The following RDH12 variants were observed in gnomAD, a reference collection of about 807,000 sequenced individuals.
The protein encoded by RDH12 is all-trans and 9-cis retinol dehydrogenase.
A neutral mutation model predicts 34.0 loss-of-function variants in RDH12; 21 were observed. That is an observed-to-expected ratio of 0.62 (90% confidence interval 0.44 to 0.89). The LOEUF is 0.89. Ranked by LOEUF, RDH12 falls within the 40% of genes least tolerant of loss-of-function variation. The pLI is 0.00. For missense variants in RDH12, 394 were observed against 398.6 expected (o/e 0.99, Z 0.10); for synonymous variants, 198 against 169.9 (o/e 1.17, Z -1.29).
intron 1 of RDH12, among the ~76,000 whole-genome samples, chr14:67,716,190 C>G (rs1352823621): frequency 6.9e-6 from 1 of 144,970 alleles, no homozygotes. Flanking sequence ...GAGTGAGACT[C>G]CGTCTCAAAA....
At chr14:67,709,470 A>G (rs969284864) in intron 1 of RDH12, among the ~76,000 whole-genome samples, 10 of 152,260 alleles carry the variant, frequency 6.6e-5, no homozygotes, top group Non-Finnish European at 1.3e-4. Flanking sequence ...ATGCTTCAAG[A>G]AAACCTTGTT....
At chr14:67,733,629 T>C in intron 8 of RDH12, 117 bp from the exon 9 acceptor site, 1 of 696,970 alleles carries the variant, frequency 1.4e-6, no homozygotes, top group South Asian at 1.5e-5. Flanking sequence ...TTAGTTTCTT[T>C]GAGTCTGGCA....
At chr14:67,725,346 C>A in intron 5 of RDH12, 92 bp downstream of exon 5, 1 of 1,296,224 alleles carries the variant, frequency 7.7e-7, no homozygotes, top group South Asian at 1.2e-5. Context: ...ACATCAGAAC[C>A]ATCATCCACC....
chr14:67,722,895 C>T (rs1331554690), intron 3 of RDH12, among the ~76,000 whole-genome samples, 185 bp downstream of exon 3: 5 of 152,200 alleles, frequency 3.3e-5, no homozygotes, highest in African/African-American at 4.8e-5. Flanking sequence ...CATCTGCGGC[C>T]GGGCAGAGGT....
chr14:67,715,438 T>C (rs1402343962), intron 1 of RDH12, among the ~76,000 whole-genome samples: 1 of 152,242 alleles, frequency 6.6e-6, no homozygotes, highest in Non-Finnish European at 1.5e-5. Flanking sequence ...GTTGGATGCC[T>C]ATGACTTCAC....
chr14:67,731,387 G>A (rs575890476), intron 8 of RDH12, among the ~76,000 whole-genome samples: 3 of 151,462 alleles, frequency 2.0e-5, no homozygotes, highest in Admixed American at 6.6e-5. Context: ...GCTAGTTTTT[G>A]TATTTCTAGT....
At chr14:67,724,414 T>G in intron 3 of RDH12, 59 bp from the exon 4 acceptor site, 14 of 1,012,296 alleles carry the variant, frequency 1.4e-5, no homozygotes, top group East Asian at 9.0e-5. Context: ...TTTTTTAACG[T>G]ATCTTAGTGT....
At chr14:67,725,942 C>T in intron 5 of RDH12, 109 bp from the exon 6 acceptor site, 9 of 819,462 alleles carry the variant, frequency 1.1e-5, no homozygotes, top group Non-Finnish European at 1.9e-5. Flanking sequence ...AAATGTTACC[C>T]CAACAAAGAC....
At chr14:67,728,703 T>TGGGGG (rs142252701) in intron 7 of RDH12, among the ~76,000 whole-genome samples, 46 of 142,066 alleles carry the variant, frequency 3.2e-4, no homozygotes, top group African/African-American at 5.3e-4. Context: ...GGATATCTTG[T>TGGGGG]GGGGGGGGGG....
In RDH12 at chr14:67,732,607, G is replaced by A. The variant is rs550161885; in HGVS notation, c.849-1139G>A. ...TTTCTTTTTTTTGAGACGGAGTTTCGGTCTTGTCGCCCAGGCTGGATTTCA... is the reference window on the plus strand; with the variant it reads ...TTTCTTTTTTTTGAGACGGAGTTTCAGTCTTGTCGCCCAGGCTGGATTTCA... On this transcript the variant is annotated intron_variant, in intron 8 of 8. Coordinates refer to ENST00000551171, the MANE Select transcript of RDH12 (RefSeq NM_152443.3). Among the ~76,000 whole-genome samples, 54 of 150,402 alleles carry A rather than the reference G, an allele frequency of 3.6e-4. 2 individuals carry two copies. In the South Asian group the frequency reaches 8.9e-3, roughly 25 times the overall value.
At chr14:67,716,306 T>G (rs2038069538) in intron 1 of RDH12, among the ~76,000 whole-genome samples, 1 of 151,796 alleles carries the variant, frequency 6.6e-6, no homozygotes, top group African/African-American at 2.4e-5. Flanking sequence ...GCAAGAGAAG[T>G]GAATGATTGA....
chr14:67,724,734 C>T (rs770633800), intron 4 of RDH12, 143 bp downstream of exon 4: 2 of 722,122 alleles, frequency 2.8e-6, no homozygotes, highest in Non-Finnish European at 5.0e-6. Context: ...TCAAGTCCAA[C>T]TGTGACACCA....
rs113781926 is a variant in RDH12, at chr14:67,714,319, T to A, written c.-274-6529T>A. On this transcript the variant is annotated intron_variant, in intron 1 of 8. Transcript: ENST00000551171. The stretch of plus-strand genomic sequence containing the variant: ...CCAGCTAATTTTTTTTTCATTTTTT[T>A]AGTAGAGCTGAGATCTGATTATGTT... 5.2e-3 allele frequency among the ~76,000 whole-genome samples: 797 copies of A among 152,128 alleles called. 6 individuals carry two copies. The highest frequency in any genetic ancestry group is 0.013 in the African/African-American group (539 of 41,494).
intron 3 of RDH12, 85 bp from the exon 4 acceptor site, chr14:67,724,386 GAT>G: frequency 1.1e-6 from 1 of 913,136 alleles, no homozygotes; most frequent in Non-Finnish European, 1.7e-6. Context: ...TTTGAGGCTG[GAT>G]AGAGTTTTTT....
chr14:67,733,151 A>C (rs554361503), intron 8 of RDH12, among the ~76,000 whole-genome samples: 3 of 152,088 alleles, frequency 2.0e-5, no homozygotes, highest in East Asian at 1.9e-4. Context: ...ACAAAAAAAA[A>C]CATGATGAGA....
intron 7 of RDH12, 33 bp downstream of exon 7, chr14:67,727,223 G>A (rs1409660047): frequency 2.5e-6 from 4 of 1,570,046 alleles, no homozygotes; most frequent in Non-Finnish European, 3.5e-6. Flanking sequence ...AGCAAAAATG[G>A]TCCTCAGACC....
intron 3 of RDH12, among the ~76,000 whole-genome samples, chr14:67,723,154 T>G (rs1353211800): frequency 2.6e-5 from 4 of 152,226 alleles, no homozygotes; most frequent in Admixed American, 6.5e-5. Context: ...CCTTTGAGAC[T>G]ACCCTCAATT....
In RDH12 at chr14:67,733,876, G is replaced by A; in HGVS notation, c.*28G>A. 1.3e-6 allele frequency: 2 copies of A among 1,527,828 alleles called. No homozygotes were observed. The highest frequency in any genetic ancestry group is 9.1e-7 in the Non-Finnish European group (1 of 1,103,140). The allele number at this position is 1,527,828 out of a possible 1,614,324, so 94.6% of individuals were successfully genotyped here. A position where few individuals can be genotyped will look rare whatever the true frequency, so the allele number is the denominator to read the frequency against. On this transcript the variant is annotated 3_prime_UTR_variant, in exon 9 of 9. Transcript: ENST00000551171. ...GGTGGAAGAGCTGCAGCTTTATCAG[G>A]CCCAATCCATGCCATAATGAACAGG...
At chr14:67,714,602 G>A (rs1408431941) in intron 1 of RDH12, 1 of 168,828 alleles carries the variant, frequency 5.9e-6, no homozygotes, top group African/African-American at 2.4e-5. Flanking sequence ...AGGCCTTTTA[G>A]AAAACATGGA....
Sources: allele counts gnomAD v4.1 joint callset (sites outside exome capture counted in the v4.1 genomes callset), GRCh38; gene constraint gnomAD v4.1.1; transcripts MANE v1.5; gene names NCBI Gene and HGNC (gene_info 2026-07-23, HGNC 2026-07-21).